The following SPAG16 variants were observed in gnomAD, a reference collection of about 807,000 sequenced individuals.
SPAG16 encodes sperm-associated antigen 16 protein.
SPAG16 carries 86 observed loss-of-function variants against 80.4 expected under a neutral mutation model. That is an observed-to-expected ratio of 1.07 (90% CI 0.90 to 1.28). SPAG16 has a LOEUF of 1.28. Among genes scored for constraint, SPAG16 ranks in the 50% most tolerant of loss-of-function variants. The probability of loss-of-function intolerance (pLI) is 0.00; values close to 1 mark genes in which losing one functional copy is unlikely to be tolerated. For missense variants in SPAG16, 870 were observed against 765.3 expected (o/e 1.14, Z -1.61); for synonymous variants, 294 against 265.9 (o/e 1.11, Z -1.03).
intron 10 of SPAG16, among the ~76,000 whole-genome samples, chr2:213,742,554 T>TG (rs1553621195): frequency 0.037 from 397 of 10,678 alleles, 15 homozygotes; most frequent in Admixed American, 0.099. Context: ...TTTCTTTTTT[T>TG]TTTTTTTTTT....
chr2:213,919,071 TACTTTTTCAAATA>T (rs1177601433), intron 11 of SPAG16, among the ~76,000 whole-genome samples: 1 of 152,174 alleles, frequency 6.6e-6, no homozygotes, highest in Non-Finnish European at 1.5e-5. Context: ...CTCTCTTATT[TACTTTTTCAAATA>T]ACCATTGATT....
chr2:213,387,961 C>T (rs936461416), intron 9 of SPAG16, among the ~76,000 whole-genome samples: 1 of 152,036 alleles, frequency 6.6e-6, no homozygotes, highest in Non-Finnish European at 1.5e-5. Flanking sequence ...GGGATGCCTC[C>T]TCATCTAGAT....
intron 15 of SPAG16, among the ~76,000 whole-genome samples, chr2:214,391,253 A>AT (rs1426766403): frequency 2.0e-5 from 3 of 152,172 alleles, no homozygotes; most frequent in African/African-American, 7.2e-5. Context: ...CATTAGAATG[A>AT]TTTTGAGCAG....
intron 14 of SPAG16, among the ~76,000 whole-genome samples, chr2:214,119,827 A>T (rs2054125409): frequency 2.0e-5 from 3 of 151,964 alleles, no homozygotes; most frequent in African/African-American, 7.2e-5. Flanking sequence ...TGGTCTTTGT[A>T]TATCTGGAAA....
intron 12 of SPAG16, among the ~76,000 whole-genome samples, chr2:213,974,037 G>A (rs907562875): frequency 1.3e-5 from 2 of 152,046 alleles, no homozygotes; most frequent in African/African-American, 4.8e-5. Flanking sequence ...TTTTAAGGTG[G>A]ACTTTGTAGC....
intron 6 of SPAG16, among the ~76,000 whole-genome samples, chr2:213,346,618 T>C (rs1198900311): frequency 6.6e-6 from 1 of 152,224 alleles, no homozygotes; most frequent in Admixed American, 6.5e-5. Context: ...CAAAGGCCTT[T>C]TCTGCTCTAA....
At chr2:214,283,400 T>TAACA (rs1455884504) in intron 15 of SPAG16, among the ~76,000 whole-genome samples, 1 of 152,138 alleles carries the variant, frequency 6.6e-6, no homozygotes, top group Non-Finnish European at 1.5e-5. Context: ...TAGCACTGTA[T>TAACA]AACACTTCAC....
intron 4 of SPAG16, among the ~76,000 whole-genome samples, chr2:213,314,461 C>T (rs1197246793): frequency 6.6e-6 from 1 of 151,712 alleles, no homozygotes; most frequent in Non-Finnish European, 1.5e-5. Flanking sequence ...TATGAGAATT[C>T]AGATTTTATT....
At chr2:214,298,099 C>CAT (rs1364081382) in intron 15 of SPAG16, among the ~76,000 whole-genome samples, 1,143 of 105,368 alleles carry the variant, frequency 0.011, 8 homozygotes, top group African/African-American at 0.032. Context: ...TATATGTATG[C>CAT]ATATATATAT....
At chr2:213,796,356 A>G (rs1340008357) in intron 10 of SPAG16, among the ~76,000 whole-genome samples, 2 of 152,054 alleles carry the variant, frequency 1.3e-5, no homozygotes, top group African/African-American at 4.8e-5. Context: ...CTATCTCTCT[A>G]TATTTGTCTC....
In SPAG16 at chr2:214,288,752, C is replaced by CTTATTTATTTATTTATTTATTTAT. The variant is rs58056064; in HGVS notation, c.1721-121377_1721-121354dup. ...AGAAATGTCTATTGTCCTTTGCCCA[C>CTTATTTATTTATTTATTTATTTAT]TTATTTATTTATTTATTTATTTATT... On this transcript the variant is annotated intron_variant, in intron 15 of 15. Transcript: ENST00000331683. 3.4e-4 allele frequency among the ~76,000 whole-genome samples: 48 copies of CTTATTTATTTATTTATTTATTTAT among 141,532 alleles called. 1 individual carries two copies. The highest frequency in any genetic ancestry group is 6.2e-4 in the East Asian group (3 of 4,840). 92.9% of individuals were successfully genotyped at this position (141,532 alleles called of 152,430 possible). A position where few individuals can be genotyped will look rare whatever the true frequency, so the allele number is the denominator to read the frequency against.
chr2:213,608,317 C>T (rs2061333644), intron 10 of SPAG16, among the ~76,000 whole-genome samples: 1 of 152,118 alleles, frequency 6.6e-6, no homozygotes, highest in African/African-American at 2.4e-5. Flanking sequence ...AATGCTATCG[C>T]TCCCTCCTCC....
chr2:214,081,776 G>C (rs1374961569), intron 13 of SPAG16, among the ~76,000 whole-genome samples: 1 of 151,766 alleles, frequency 6.6e-6, no homozygotes, highest in African/African-American at 2.4e-5. Flanking sequence ...TGATGATTCT[G>C]TCTGCCTCTA....
chr2:213,301,251 A>G (rs1422434476), intron 3 of SPAG16, among the ~76,000 whole-genome samples: 3 of 152,162 alleles, frequency 2.0e-5, no homozygotes, highest in African/African-American at 7.2e-5. Context: ...TTTTAGTTAG[A>G]GACCCAGGCT....
At chr2:213,597,942 G>A (rs2060937974) in intron 10 of SPAG16, among the ~76,000 whole-genome samples, 1 of 152,098 alleles carries the variant, frequency 6.6e-6, no homozygotes, top group South Asian at 2.1e-4. Context: ...GATTAACTGA[G>A]AATCTGGCAC....
At chr2:214,035,397 G>A (rs553812692) in intron 13 of SPAG16, among the ~76,000 whole-genome samples, 2 of 152,308 alleles carry the variant, frequency 1.3e-5, no homozygotes, top group South Asian at 4.1e-4. Flanking sequence ...ATGGCGCCCA[G>A]GCCATTCATG....
chr2:213,731,080 G>C (rs1193306720), intron 10 of SPAG16, among the ~76,000 whole-genome samples: 1 of 150,710 alleles, frequency 6.6e-6, no homozygotes, highest in Non-Finnish European at 1.5e-5. Context: ...TTTTCCACTA[G>C]AGTCCTTAAT....
chr2:214,009,646 C>T (rs756061359), intron 12 of SPAG16, among the ~76,000 whole-genome samples: 1 of 152,084 alleles, frequency 6.6e-6, no homozygotes, highest in Non-Finnish European at 1.5e-5. Flanking sequence ...AAAATAGAGC[C>T]TGTGATGCTA....
chr2:214,237,892 A>G (rs1322290360), intron 15 of SPAG16, among the ~76,000 whole-genome samples: 1 of 152,158 alleles, frequency 6.6e-6, no homozygotes, highest in Non-Finnish European at 1.5e-5. Flanking sequence ...ACTAATAGTT[A>G]CAGTAGTTTT....
Sources: gnomAD v4.1 joint callset for allele counts (sites outside exome capture counted in the v4.1 genomes callset) on GRCh38, gnomAD v4.1.1 for gene constraint, MANE v1.5 for transcripts, NCBI Gene and HGNC (gene_info 2026-07-23, HGNC 2026-07-21) for gene names.